MYL2: variants seen among roughly 807,000 people sequenced by gnomAD.
MYL2 encodes myosin light chain 2, also known as myosin regulatory light chain 2, ventricular/cardiac muscle isoform.
In MYL2, 19 loss-of-function variants were observed where a neutral mutation model predicts 23.0. The observed-to-expected ratio is 0.83, with a 90% CI of 0.58 to 1.21. The LOEUF is 1.21. Ranked by LOEUF, MYL2 falls within the 50% of genes most tolerant of loss-of-function variation. The probability of loss-of-function intolerance (pLI) is 0.00; values close to 1 mark genes in which losing one functional copy is unlikely to be tolerated. For synonymous variants in MYL2, 78 were observed against 76.2 expected, an observed-to-expected ratio of 1.02 and a Z score of -0.13; for missense variants, 180 against 215.1, an observed-to-expected ratio of 0.84 and a Z score of 1.02.
At chr12:110,920,617 C>G, upstream of MYL2, 1 of 1,603,658 alleles carries the variant, frequency 6.2e-7, no homozygotes, top group Non-Finnish European at 8.5e-7. Context: ...TACTTCCTCC[C>G]CATGTTTAAA....
chr12:110,914,049 C>A (rs998067215), intron 4 of MYL2, 137 bp downstream of exon 4: 5 of 735,386 alleles, frequency 6.8e-6, no homozygotes, highest in South Asian at 1.6e-5. Flanking sequence ...TCAGCCACTG[C>A]GCCCAGCCAA....
intron 6 of MYL2, among the ~76,000 whole-genome samples, chr12:110,912,491 G>A (rs1592799320): frequency 6.6e-6 from 1 of 152,340 alleles, no homozygotes; most frequent in South Asian, 2.1e-4. Context: ...TGCATCGTGA[G>A]CAAGGCAGAA....
rs727504341 is a variant in MYL2, at chr12:110,911,150, G to A, written c.428C>T (p.Pro143Leu). ...GTCCAAGTTGCCAGTCACGTCAGGG[G>A]GGAAGGCGGCGAACATCTGGTCAAC... Reference protein sequence around the residue: ...EEVDQMFAAFPPDVTGNLDYK... With the variant: ...EEVDQMFAAFLPDVTGNLDYK... Residue 143 changes from proline (P) to leucine (L), a missense_variant, in exon 7 of 7, where the codon CCC becomes CTC. By Grantham distance (98) the Pro-to-Leu change is moderately conservative. Transcript: ENST00000228841. 39 of 1,613,640 alleles carry A rather than the reference G, an allele frequency of 2.4e-5. No homozygotes were observed. Among genetic ancestry groups the A allele is most frequent in the Non-Finnish European group, 3.3e-5 (39 of 1,179,966 alleles).
chr12:110,913,124 G>T lies in MYL2; in HGVS notation c.374C>A (p.Thr125Lys), dbSNP rs375667565. The T allele has an allele frequency of 6.2e-7, 1 of 1,614,208 alleles. No individual in the cohort carries two copies. Among genetic ancestry groups the T allele is most frequent in the Admixed American group, 1.7e-5 (1 of 60,026 alleles). ...KADYVREMLT[T>K]QAERFSKEEV... ...CTCCTTGGAAAACCTCTCCGCCTGC[G>T]TGGTCAGCATTTCCCGAACGCTGCA... Residue 125 changes from threonine (T) to lysine (K), a missense_variant, in exon 6 of 7, where the codon ACG becomes AAG. Thr to Lys is a moderately conservative substitution (Grantham distance 78). Transcript: ENST00000228841.
At chr12:110,913,888 G>A (rs1246135127) in intron 4 of MYL2, among the ~76,000 whole-genome samples, 1 of 152,138 alleles carries the variant, frequency 6.6e-6, no homozygotes, top group Non-Finnish European at 1.5e-5. Flanking sequence ...GAGTACCTGG[G>A]ACTACAGGTG....
chr12:110,910,935 T>G lies in MYL2; in HGVS notation c.*142A>C. On this transcript the variant is annotated 3_prime_UTR_variant, in exon 7 of 7. Coordinates refer to ENST00000228841, the MANE Select transcript of MYL2 (RefSeq NM_000432.4). ...ACGAAGTACCCATAGCCACCCAGGCTGCAAAGAAGATGGAGGTGGATAAAT... is the reference window on the plus strand; with the variant it reads ...ACGAAGTACCCATAGCCACCCAGGCGGCAAAGAAGATGGAGGTGGATAAAT... The G allele has an allele frequency of 1.3e-6, 1 of 788,638 alleles. No individual in the cohort carries two copies. Among genetic ancestry groups the G allele is most frequent in the Non-Finnish European group, 2.2e-6 (1 of 454,270 alleles). 48.9% of individuals were successfully genotyped at this position (788,638 alleles called of 1,614,324 possible). A position where few individuals can be genotyped will look rare whatever the true frequency, so the allele number is the denominator to read the frequency against.
At position 110,919,040 on chromosome 12, in the gene MYL2, A is replaced by C; in HGVS notation, c.93+64T>G. ...GGTCCCTGCTGGGAATATGGAACAA[A>C]AAGAAGGTTCTCCCTCGTGGGTGGG... On this transcript the variant is annotated intron_variant, in intron 2 of 6. Coordinates refer to ENST00000228841, the MANE Select transcript of MYL2 (RefSeq NM_000432.4). The C allele has an allele frequency of 5.4e-6, 8 of 1,490,374 alleles. No individual in the cohort carries two copies. In the South Asian group the frequency reaches 6.9e-5, roughly 13 times the overall value. The allele number at this position is 1,490,374 out of a possible 1,614,324, so 92.3% of individuals were successfully genotyped here.
At chr12:110,917,490 G>GACAAACAA (rs113958682) in intron 2 of MYL2, among the ~76,000 whole-genome samples, 1,888 of 149,832 alleles carry the variant, frequency 0.013, 44 homozygotes, top group African/African-American at 0.039. Flanking sequence ...CATTTACTCA[G>GACAAACAA]ACAAACAAAC....
chr12:110,918,737 A>T lies in MYL2; in HGVS notation c.93+367T>A, dbSNP rs1215356716. On this transcript the variant is annotated intron_variant, in intron 2 of 6. Coordinates refer to ENST00000228841, the MANE Select transcript of MYL2 (RefSeq NM_000432.4). This position sits in a 1 kb window ranked among gnomAD's most constrained non-coding sequence, Gnocchi z 4.4. ...TGCAGGTGTAATCAGTGGGCACAGA[A>T]GATTATAATTTTGTTTAATAAATAT... 5.1e-6 allele frequency: 1 copy of T among 195,376 alleles called. No individual in the cohort carries two copies. Among genetic ancestry groups the T allele is most frequent in the Admixed American group, 5.4e-5 (1 of 18,534 alleles). 12.1% of individuals were successfully genotyped at this position (195,376 alleles called of 1,614,324 possible).
At chr12:110,914,469 A>G (rs922586094) in intron 3 of MYL2, 179 bp from the exon 4 acceptor site, 1 of 653,938 alleles carries the variant, frequency 1.5e-6, no homozygotes, top group African/African-American at 1.8e-5. Context: ...ATTTATAATA[A>G]CCAAATGACT....
intron 1 of MYL2, 97 bp downstream of exon 1, chr12:110,920,430 G>C: frequency 6.3e-7 from 1 of 1,577,958 alleles, no homozygotes; most frequent in East Asian, 2.2e-5. Flanking sequence ...AGGCTTTGAG[G>C]GCCGCCTTCC....
intron 6 of MYL2, 121 bp from the exon 7 acceptor site, chr12:110,911,296 C>T: frequency 1.4e-6 from 1 of 697,542 alleles, no homozygotes; most frequent in Non-Finnish European, 2.5e-6. Flanking sequence ...GGAACATGGG[C>T]CACTCAGAGG....
intron 2 of MYL2, among the ~76,000 whole-genome samples, chr12:110,916,839 C>CTATT (rs199753906): frequency 0.069 from 10,487 of 151,732 alleles, 458 homozygotes; most frequent in East Asian, 0.21. Context: ...CTCTATAAAG[C>CTATT]TATTTATTTA....
intron 2 of MYL2, among the ~76,000 whole-genome samples, chr12:110,916,839 CTATT>C (rs199753906): frequency 0.012 from 1,843 of 151,800 alleles, 13 homozygotes; most frequent in Non-Finnish European, 0.015. Context: ...CTCTATAAAG[CTATT>C]TATTTATTTA....
Position 110,918,548 on chromosome 12 carries a change from AG to A in MYL2, c.93+555del, listed in dbSNP as rs1489851205. Among the ~76,000 whole-genome samples, 45 of 152,168 alleles carry A rather than the reference AG, an allele frequency of 3.0e-4. No homozygotes were observed. Among genetic ancestry groups the A allele is most frequent in the African/African-American group, 9.9e-4 (41 of 41,432 alleles). On this transcript the variant is annotated intron_variant, in intron 2 of 6. Transcript: ENST00000228841. The surrounding 1 kb of genome is among the most constrained non-coding windows in gnomAD (Gnocchi z 4.4). ...TTGTTTTAAGTTCCTTTGACCCAGC[AG>A]TTCTGCTTTTAGGAATTTACCCCCA...
rs1038380349 is a variant in MYL2, at chr12:110,920,449, C to T, written c.3+78G>A. 1.9e-5 allele frequency: 30 copies of T among 1,607,922 alleles called. No homozygotes were observed. The South Asian group carries it at 2.1e-4, about 11-fold the overall frequency. On this transcript the variant is annotated intron_variant, in intron 1 of 6. Coordinates refer to ENST00000228841, the MANE Select transcript of MYL2 (RefSeq NM_000432.4). ...TTTGAGGGCCGCCTTCCTCCCCCTC[C>T]GCCGTGGTCCCTCGCTTGTAGTGGC...
At chr12:110,915,819 G>C in intron 2 of MYL2, 29 bp from the exon 3 acceptor site, 1 of 1,604,610 alleles carries the variant, frequency 6.2e-7, no homozygotes, top group South Asian at 1.1e-5. Flanking sequence ...TGGCAGCTCA[G>C]CCTGGGAGAA....
chr12:110,921,211 A>T (rs182653973), upstream of MYL2, among the ~76,000 whole-genome samples: 124 of 152,268 alleles, frequency 8.1e-4, 1 homozygote, highest in Middle Eastern at 3.4e-3. Flanking sequence ...AAGAAAAAAA[A>T]ATAGCTGTGC....
Position 110,915,792 on chromosome 12 carries a change from T to C in MYL2, c.94-2A>G. 1 of 1,614,016 alleles carries C rather than the reference T, an allele frequency of 6.2e-7. No homozygotes were observed. ...GTTCTGGTCCATGATAGTGAAGGCC[T>C]GTGGAAGGGAAGTGATTGGCAGCTC... is the stretch of plus-strand genomic sequence containing the variant. On this transcript the variant is annotated splice_acceptor_variant, in intron 2 of 6. Transcript: ENST00000228841. LOFTEE classifies it high-confidence loss of function.
Sources: allele counts gnomAD v4.1 joint callset (sites outside exome capture counted in the v4.1 genomes callset), GRCh38; gene constraint gnomAD v4.1.1; non-coding constraint Gnocchi (gnomAD v3.1); transcripts MANE v1.5; gene names NCBI Gene and HGNC (gene_info 2026-07-23, HGNC 2026-07-21).